Variants in HCN1 observed in about 807,000 individuals in gnomAD.
HCN1 encodes potassium/sodium hyperpolarization-activated cyclic nucleotide-gated channel 1.
Under a neutral mutation model 78.9 loss-of-function variants are expected in HCN1, and 13 were observed. The observed-to-expected ratio is 0.16, with a 90% CI of 0.11 to 0.26. HCN1 has a LOEUF of 0.26. HCN1 is among the 10% of genes least tolerant of loss of function. The pLI is 1.00. For missense variants in HCN1, 810 were observed against 1,154.3 expected (o/e 0.70, Z 4.32); for synonymous variants, 552 against 455.5 (o/e 1.21, Z -2.70).
intron 3 of HCN1, among the ~76,000 whole-genome samples, chr5:45,406,551 G>T (rs1426644531): frequency 2.0e-5 from 3 of 152,124 alleles, no homozygotes; most frequent in African/African-American, 4.8e-5. Flanking sequence ...TTCAATCACA[G>T]ATCTGTCTGA....
chr5:45,445,987 T>G (rs1368656068), intron 3 of HCN1, among the ~76,000 whole-genome samples: 1 of 152,136 alleles, frequency 6.6e-6, no homozygotes, highest in Non-Finnish European at 1.5e-5. Context: ...GCATCTCTCC[T>G]CCTCCAAAGG....
chr5:45,523,934 C>T (rs1742671730), intron 2 of HCN1, among the ~76,000 whole-genome samples: 1 of 152,046 alleles, frequency 6.6e-6, no homozygotes, highest in African/African-American at 2.4e-5. Context: ...AAGTCCTTGC[C>T]CATGCCTATG....
chr5:45,302,930 A>G (rs897894038), intron 6 of HCN1, among the ~76,000 whole-genome samples: 5 of 152,238 alleles, frequency 3.3e-5, no homozygotes, highest in Admixed American at 6.5e-5. Context: ...CTCCCCAGCC[A>G]TATAGAACTC....
intron 2 of HCN1, among the ~76,000 whole-genome samples, chr5:45,537,523 CTTT>C (rs71000638): frequency 1.3e-3 from 34 of 25,716 alleles, no homozygotes; most frequent in African/African-American, 5.4e-3. Flanking sequence ...AACTCTAAGT[CTTT>C]TTTTTTTTTT....
chr5:45,590,561 G>A (rs1744339136), intron 2 of HCN1, among the ~76,000 whole-genome samples: 1 of 152,088 alleles, frequency 6.6e-6, no homozygotes, highest in Non-Finnish European at 1.5e-5. Context: ...TATGGGTTTG[G>A]ACAAGTGTAT....
At chr5:45,439,974 T>C (rs1447075935) in intron 3 of HCN1, among the ~76,000 whole-genome samples, 5 of 148,226 alleles carry the variant, frequency 3.4e-5, no homozygotes, top group Non-Finnish European at 5.9e-5. Flanking sequence ...TTATTAAATA[T>C]CATATATAAT....
At chr5:45,601,363 A>C (rs572344310) in intron 2 of HCN1, among the ~76,000 whole-genome samples, 179 of 152,288 alleles carry the variant, frequency 1.2e-3, no homozygotes, top group African/African-American at 4.1e-3. Context: ...ATCAGCAAGC[A>C]GCCCATGTGA....
At chr5:45,530,099 A>G (rs1742807422) in intron 2 of HCN1, among the ~76,000 whole-genome samples, 1 of 152,158 alleles carries the variant, frequency 6.6e-6, no homozygotes, top group Admixed American at 6.6e-5. Context: ...AGACTGACCT[A>G]GAAGTCAGAG....
rs1249211130 is a variant in HCN1, at chr5:45,373,988, T to TAGATA, written c.1231-20743_1231-20742insTATCT. On this transcript the variant is annotated intron_variant, in intron 4 of 7. Transcript: ENST00000303230. ...TATTACATACAGTAGATACATAATATATATAATATATATTATATACATAAT... is the reference window on the plus strand; with the variant it reads ...TATTACATACAGTAGATACATAATATAGATAATATAATATATATTATATACATAAT... Among the ~76,000 whole-genome samples, 18 of 111,186 alleles carry TAGATA rather than the reference T, an allele frequency of 1.6e-4. No homozygotes were observed. The East Asian group carries it at 2.8e-3, about 17-fold the overall frequency. 72.9% of individuals were successfully genotyped at this position (111,186 alleles called of 152,430 possible). A position where few individuals can be genotyped will look rare whatever the true frequency, so the allele number is the denominator to read the frequency against.
intron 2 of HCN1, among the ~76,000 whole-genome samples, chr5:45,639,736 G>C (rs1468202332): frequency 4.6e-5 from 7 of 152,124 alleles, no homozygotes; most frequent in African/African-American, 1.2e-4. Context: ...TACTGTGTTT[G>C]ACACCGACTG....
At chr5:45,589,626 A>G (rs1219582624) in intron 2 of HCN1, among the ~76,000 whole-genome samples, 1 of 152,238 alleles carries the variant, frequency 6.6e-6, no homozygotes, top group African/African-American at 2.4e-5. Context: ...TTTAAACTCC[A>G]AAAGAGTAAA....
chr5:45,507,244 A>G (rs1742326248), intron 2 of HCN1, among the ~76,000 whole-genome samples: 1 of 152,174 alleles, frequency 6.6e-6, no homozygotes, highest in African/African-American at 2.4e-5. Flanking sequence ...GTGGTACTCC[A>G]TAGTCTCTGC....
At position 45,279,137 on chromosome 5, in the gene HCN1, T is replaced by C. The variant is rs535752240; in HGVS notation, c.1619-11884A>G. ...GACTAAAGATGTATAAGCCACTATT[T>C]AGCTTGTGACTTTAAGCAAAGTGAA... On this transcript the variant is annotated intron_variant, in intron 6 of 7. Transcript: ENST00000303230. Among the ~76,000 whole-genome samples the C allele has an allele frequency of 1.0e-3, 153 of 152,282 alleles. 1 individual carries two copies. Among genetic ancestry groups the C allele is most frequent in the African/African-American group, 3.3e-3 (139 of 41,586 alleles).
intron 4 of HCN1, among the ~76,000 whole-genome samples, chr5:45,379,934 GA>G (rs1316999915): frequency 1.3e-5 from 2 of 151,366 alleles, no homozygotes; most frequent in African/African-American, 4.9e-5. Context: ...AAAATAAAGA[GA>G]AAAAAAGAGA....
intron 1 of HCN1, among the ~76,000 whole-genome samples, chr5:45,646,865 G>A (rs1038813428): frequency 5.9e-5 from 9 of 152,052 alleles, no homozygotes; most frequent in African/African-American, 2.2e-4. Context: ...CTAGTCATAG[G>A]TATGTTATTT....
At chr5:45,466,588 T>C (rs1741275860) in intron 2 of HCN1, among the ~76,000 whole-genome samples, 1 of 152,174 alleles carries the variant, frequency 6.6e-6, no homozygotes, top group African/African-American at 2.4e-5. Context: ...CGATTTGTTA[T>C]ATTTTTTAGA....
intron 5 of HCN1, among the ~76,000 whole-genome samples, chr5:45,324,293 T>C (rs904965367): frequency 3.3e-5 from 5 of 151,726 alleles, no homozygotes; most frequent in Admixed American, 3.3e-4. Flanking sequence ...TACAATGAAC[T>C]CAAACAAATT....
intron 2 of HCN1, among the ~76,000 whole-genome samples, chr5:45,478,264 G>T (rs534578734): frequency 6.6e-6 from 1 of 152,210 alleles, no homozygotes; most frequent in South Asian, 2.1e-4. Context: ...GGGTAAATCA[G>T]TGAAAAAAAC....
At chr5:45,682,820 T>G (rs928496793) in intron 1 of HCN1, among the ~76,000 whole-genome samples, 1 of 152,152 alleles carries the variant, frequency 6.6e-6, no homozygotes, top group Admixed American at 6.5e-5. Context: ...TTAAAATATG[T>G]TGAAATTTTA....
Sources: gnomAD v4.1 joint callset for allele counts (sites outside exome capture counted in the v4.1 genomes callset) on GRCh38, gnomAD v4.1.1 for gene constraint, MANE v1.5 for transcripts, NCBI Gene and HGNC (gene_info 2026-07-23, HGNC 2026-07-21) for gene names.